HOATZ: variants seen among roughly 807,000 people sequenced by gnomAD.
HOATZ encodes cilia- and flagella-associated protein HOATZ.
Under a neutral mutation model 24.9 loss-of-function variants are expected in HOATZ, and 26 were observed. The ratio of observed to expected loss-of-function variants is 1.04; its 90% CI spans 0.76 to 1.45. The LOEUF (loss-of-function observed/expected upper bound fraction) is 1.45. HOATZ is among the 40% of genes most tolerant of loss of function. HOATZ has a pLI of 0.00. For missense variants in HOATZ, 226 were observed against 201.5 expected (o/e 1.12, Z -0.74); for synonymous variants, 83 against 76.6 (o/e 1.08, Z -0.43).
At chr11:111,532,004 T>C (rs1361795858) in intron 3 of HOATZ, among the ~76,000 whole-genome samples, 1 of 152,188 alleles carries the variant, frequency 6.6e-6, no homozygotes, top group Non-Finnish European at 1.5e-5. Context: ...TTCTTCCCCA[T>C]CTTGTCTCCA....
At chr11:111,528,280 C>T (rs1330955147) in intron 3 of HOATZ, among the ~76,000 whole-genome samples, 2 of 152,156 alleles carry the variant, frequency 1.3e-5, no homozygotes, top group African/African-American at 4.8e-5. Context: ...GTGGAGGTGG[C>T]AGTGAGCCCT....
intron 3 of HOATZ, among the ~76,000 whole-genome samples, chr11:111,522,315 G>T (rs887579690): frequency 1.3e-5 from 2 of 152,140 alleles, no homozygotes; most frequent in South Asian, 2.1e-4. Flanking sequence ...CCAGTTACAT[G>T]AATCCTTATT....
chr11:111,519,181 G>C, intron 3 of HOATZ: 1 of 337,250 alleles, frequency 3.0e-6, no homozygotes, highest in East Asian at 7.5e-5. Flanking sequence ...CTCATAGAGT[G>C]ATGTAAGGTA....
chr11:111,518,233 C>G (rs1442020733), intron 3 of HOATZ, among the ~76,000 whole-genome samples: 2 of 152,168 alleles, frequency 1.3e-5, no homozygotes, highest in Non-Finnish European at 2.9e-5. Context: ...CCTAACAAAA[C>G]AGTAAGGCAG....
intron 3 of HOATZ, among the ~76,000 whole-genome samples, chr11:111,517,545 T>C (rs1261502705): frequency 6.6e-6 from 1 of 152,182 alleles, no homozygotes; most frequent in Non-Finnish European, 1.5e-5. Flanking sequence ...TCCACAGATA[T>C]TTATTGAGAA....
At chr11:111,517,050 A>C (rs1398703357) in intron 3 of HOATZ, among the ~76,000 whole-genome samples, 1 of 152,242 alleles carries the variant, frequency 6.6e-6, no homozygotes, top group Non-Finnish European at 1.5e-5. Context: ...GAATATCTTT[A>C]ATCATTGGAC....
At chr11:111,526,122 G>A (rs1591556805) in intron 3 of HOATZ, among the ~76,000 whole-genome samples, 1 of 151,272 alleles carries the variant, frequency 6.6e-6, no homozygotes, top group East Asian at 1.9e-4. Context: ...ATTCCAGGCA[G>A]CGAAAACAGC....
At chr11:111,518,116 G>C (rs1363197106) in intron 3 of HOATZ, among the ~76,000 whole-genome samples, 1 of 152,116 alleles carries the variant, frequency 6.6e-6, no homozygotes, top group Admixed American at 6.6e-5. Context: ...GTATATTTTT[G>C]TTATACCTAA....
Position 111,514,976 on chromosome 11 carries a change from G to C in HOATZ, c.192G>C (p.Leu64=), listed in dbSNP as rs182457239. The C allele has an allele frequency of 6.2e-7, 1 of 1,613,564 alleles. No individual in the cohort carries two copies. Among genetic ancestry groups the C allele is most frequent in the African/African-American group, 1.3e-5 (1 of 75,050 alleles). The change falls in exon 1 of 6, where the codon CTG becomes CTC. Residue 64 remains leucine (L), a synonymous_variant. Coordinates refer to ENST00000375618, the MANE Select transcript of HOATZ (RefSeq NM_001100388.2). ...TGCGCAGAGACAGCAGTCAGCGTCT[G>C]CCGGTGGCGCGGCCCAGGAGGAGCA... The part of the protein sequence containing the change: ...LVLRRDSSQR[L]PVARPRRSRG...
intron 5 of HOATZ, chr11:111,535,232 A>G (rs1867438191): frequency 6.6e-6 from 1 of 152,086 alleles, no homozygotes; most frequent in Admixed American, 6.5e-5. Context: ...AATTTTGTAA[A>G]CTTCTGGAAA....
chr11:111,520,932 T>G (rs1867261557), intron 3 of HOATZ, among the ~76,000 whole-genome samples: 1 of 152,196 alleles, frequency 6.6e-6, no homozygotes, highest in African/African-American at 2.4e-5. Flanking sequence ...TGTCTCTAAT[T>G]TACAAATTAA....
At chr11:111,521,551 G>A (rs1011411314) in intron 3 of HOATZ, among the ~76,000 whole-genome samples, 1 of 152,034 alleles carries the variant, frequency 6.6e-6, no homozygotes, top group African/African-American at 2.4e-5. Context: ...ACCCTAATAT[G>A]ATATTTATGA....
In HOATZ at chr11:111,521,238, GA is replaced by G. The variant is rs113283108; in HGVS notation, c.339+5137del. 3.6e-3 allele frequency among the ~76,000 whole-genome samples: 546 copies of G among 150,540 alleles called. 2 individuals carry two copies. The highest frequency in any genetic ancestry group is 0.012 in the African/African-American group (499 of 41,138). On this transcript the variant is annotated intron_variant, in intron 3 of 5. Coordinates refer to ENST00000375618, the MANE Select transcript of HOATZ (RefSeq NM_001100388.2). Reference sequence around the variant, plus strand: ...TGAAATGCGGTCTGTATTCTCAGAAGAAAAAAAAACCTTAGAACTTCAAAAG... The same window carrying G: ...TGAAATGCGGTCTGTATTCTCAGAAGAAAAAAAACCTTAGAACTTCAAAAG...
intron 3 of HOATZ, among the ~76,000 whole-genome samples, chr11:111,532,261 A>C (rs1370885042): frequency 6.6e-6 from 1 of 152,178 alleles, no homozygotes; most frequent in Non-Finnish European, 1.5e-5. Flanking sequence ...ACTAACACAT[A>C]ATGTTACATC....
intron 3 of HOATZ, among the ~76,000 whole-genome samples, chr11:111,522,559 T>G (rs1018306616): frequency 7.2e-5 from 11 of 152,234 alleles, no homozygotes; most frequent in African/African-American, 2.7e-4. Flanking sequence ...TACTTCATTT[T>G]GTCATTTTCT....
intron 3 of HOATZ, among the ~76,000 whole-genome samples, chr11:111,533,309 T>C (rs1238672502): frequency 6.6e-6 from 1 of 152,230 alleles, no homozygotes; most frequent in Admixed American, 6.5e-5. Flanking sequence ...TAAGCTTCAG[T>C]TTCCTCACCT....
At chr11:111,532,120 A>C (rs1024882806) in intron 3 of HOATZ, among the ~76,000 whole-genome samples, 1 of 152,104 alleles carries the variant, frequency 6.6e-6, no homozygotes, top group Non-Finnish European at 1.5e-5. Flanking sequence ...CTTTGTCTTA[A>C]TTAAGGGTCC....
At chr11:111,522,781 G>A (rs757752572) in intron 3 of HOATZ, among the ~76,000 whole-genome samples, 19 of 151,902 alleles carry the variant, frequency 1.3e-4, no homozygotes, top group Admixed American at 5.9e-4. Context: ...ATCAATATCC[G>A]TAGCACTTGC....
At chr11:111,515,809 C>T (rs1867188453) in intron 2 of HOATZ, among the ~76,000 whole-genome samples, 1 of 152,182 alleles carries the variant, frequency 6.6e-6, no homozygotes. Context: ...TCTCTGGACT[C>T]GAGCTTACTC....
Sources: allele counts gnomAD v4.1 joint callset (sites outside exome capture counted in the v4.1 genomes callset), GRCh38; gene constraint gnomAD v4.1.1; transcripts MANE v1.5; gene names NCBI Gene and HGNC (gene_info 2026-07-23, HGNC 2026-07-21).